The following SLC17A6 variants were observed in gnomAD, a reference collection of about 807,000 sequenced individuals.
The protein encoded by SLC17A6 is vesicular glutamate transporter 2.
SLC17A6 carries 35 observed loss-of-function variants against 67.1 expected under a neutral mutation model. That is an observed-to-expected ratio of 0.52 (90% CI 0.40 to 0.69). The LOEUF (loss-of-function observed/expected upper bound fraction) is 0.69, where lower values mean the gene tolerates loss of function less well. Among genes scored for constraint, SLC17A6 ranks in the 30% least tolerant of loss-of-function variants. The probability of loss-of-function intolerance (pLI) is 0.00; values close to 1 mark genes in which losing one functional copy is unlikely to be tolerated. For missense variants in SLC17A6, 588 were observed against 723.9 expected (o/e 0.81, Z 2.15); for synonymous variants, 285 against 252.3 (o/e 1.13, Z -1.23).
chr11:22,364,186 G>A lies in SLC17A6; in HGVS notation c.748+1361G>A, dbSNP rs552362358. Among the ~76,000 whole-genome samples, 395 of 152,194 alleles carry A rather than the reference G, an allele frequency of 2.6e-3. 2 individuals are homozygous for A. Among genetic ancestry groups the A allele is most frequent in the African/African-American group, 9.0e-3 (372 of 41,556 alleles). ...CAGTTTTCGCATTTTAAAGATTAAA[G>A]AGATAAGATCAGTATAGTGGGGTAA... On this transcript the variant is annotated intron_variant, in intron 6 of 11. Transcript: ENST00000263160.
chr11:22,365,900 A>AT (rs1281804013), intron 7 of SLC17A6, among the ~76,000 whole-genome samples: 22 of 152,126 alleles, frequency 1.4e-4, no homozygotes, highest in African/African-American at 5.3e-4. Context: ...TTTCTTAAGC[A>AT]TTTAAAAATG....
chr11:22,375,008 A>T (rs1027007901), intron 9 of SLC17A6, 121 bp downstream of exon 9: 9 of 1,012,198 alleles, frequency 8.9e-6, no homozygotes, highest in Non-Finnish European at 1.1e-5. Flanking sequence ...TGCCTTCATT[A>T]TTCACTTAAA....
intron 6 of SLC17A6, 68 bp from the exon 7 acceptor site, chr11:22,365,479 T>G: frequency 6.8e-7 from 1 of 1,479,610 alleles, no homozygotes; most frequent in Non-Finnish European, 9.4e-7. Context: ...TTGAGATGAT[T>G]GCAGTTTTAT....
At chr11:22,348,335 C>G (rs930841450) in intron 3 of SLC17A6, among the ~76,000 whole-genome samples, 13 of 152,152 alleles carry the variant, frequency 8.5e-5, no homozygotes, top group African/African-American at 1.9e-4. Context: ...GCGAGAGAAG[C>G]CTTTAGCGGG....
rs143750207 is a variant in SLC17A6 at position 22,377,709 on chromosome 11, A to C, written c.1718A>C (p.His573Pro). ...EFVQGEVQDS[H>P]SYKDRVDYS Reference sequence around the variant, plus strand: ...GTACAAGGAGAAGTACAAGACTCACATAGCTATAAGGACCGAGTTGATTAT... The same window carrying C: ...GTACAAGGAGAAGTACAAGACTCACCTAGCTATAAGGACCGAGTTGATTAT... Residue 573 changes from histidine to proline, a missense_variant, in exon 12 of 12, where the codon CAT (histidine) becomes CCT (proline). His to Pro is a moderately conservative substitution (Grantham distance 77). Around this residue, in one of 4 missense-constraint regions of SLC17A6, gnomAD observed 414 missense variants for 563.4 expected, o/e 0.73. Coordinates refer to ENST00000263160, the MANE Select transcript of SLC17A6 (RefSeq NM_020346.3). 272 of 1,602,350 alleles carry C rather than the reference A, an allele frequency of 1.7e-4. No individual in the cohort carries two copies. The African/African-American group carries it at 3.4e-3, about 20-fold the overall frequency.
chr11:22,359,930 C>T lies in SLC17A6; in HGVS notation c.573+403C>T, dbSNP rs142028414. 1.7e-3 allele frequency among the ~76,000 whole-genome samples: 259 copies of T among 152,166 alleles called. 2 individuals are homozygous for T. The highest frequency in any genetic ancestry group is 5.7e-3 in the African/African-American group (237 of 41,524). The stretch of plus-strand genomic sequence containing the variant: ...CCTTGAATCACGATATGAGTTTTCA[C>T]TGAAATATTTCATCGAATGCATTTT... On this transcript the variant is annotated intron_variant, in intron 4 of 11. Transcript: ENST00000263160.
chr11:22,376,980 G>C (rs573653849), intron 11 of SLC17A6, among the ~76,000 whole-genome samples: 6 of 152,108 alleles, frequency 3.9e-5, no homozygotes, highest in African/African-American at 1.4e-4. Context: ...TCTGAGCTTT[G>C]TTTGTAAACC....
In SLC17A6 at chr11:22,372,324, C is replaced by T. The variant is rs192633757; in HGVS notation, c.1041+2136C>T. 6.6e-5 allele frequency among the ~76,000 whole-genome samples: 10 copies of T among 150,566 alleles called. No homozygotes were observed. In the East Asian group the frequency reaches 1.9e-3, roughly 29 times the overall value. On this transcript the variant is annotated intron_variant, in intron 8 of 11. Transcript: ENST00000263160. The stretch of plus-strand genomic sequence containing the variant: ...CATTATATATTGGCATAGGCTAATA[C>T]AATATATATCAGGTAAATACTTTTT...
intron 4 of SLC17A6, among the ~76,000 whole-genome samples, chr11:22,360,248 T>C (rs540874617): frequency 6.6e-6 from 1 of 152,174 alleles, no homozygotes; most frequent in African/African-American, 2.4e-5. Flanking sequence ...ACACTGCATG[T>C]TGTCACTTAT....
chr11:22,339,008 T>C (rs1202342433), intron 1 of SLC17A6, among the ~76,000 whole-genome samples: 1 of 147,150 alleles, frequency 6.8e-6, no homozygotes, highest in African/African-American at 2.5e-5. Context: ...GACAAATGAA[T>C]ATAAAACACA....
intron 3 of SLC17A6, among the ~76,000 whole-genome samples, chr11:22,347,664 C>A (rs146799331): frequency 9.9e-4 from 151 of 152,166 alleles, no homozygotes; most frequent in African/African-American, 3.5e-3. Flanking sequence ...TTCCCATGTA[C>A]ATTATTCAAA....
chr11:22,342,136 T>C (rs1258321833), intron 2 of SLC17A6, among the ~76,000 whole-genome samples: 1 of 152,248 alleles, frequency 6.6e-6, no homozygotes, highest in African/African-American at 2.4e-5. Context: ...AATTATAGTT[T>C]TCCCAGGACT....
At chr11:22,345,776 T>C (rs375033956) in intron 3 of SLC17A6, among the ~76,000 whole-genome samples, 1 of 152,114 alleles carries the variant, frequency 6.6e-6, no homozygotes, top group African/African-American at 2.4e-5. Context: ...TTTTTAAACA[T>C]GTATAACATT....
chr11:22,375,696 C>A (rs1389863000), intron 9 of SLC17A6, among the ~76,000 whole-genome samples: 1 of 151,950 alleles, frequency 6.6e-6, no homozygotes, highest in Non-Finnish European at 1.5e-5. Context: ...GTCAGACTGG[C>A]CTCGAACTCC....
chr11:22,355,492 AC>A (rs1341191201), intron 3 of SLC17A6, among the ~76,000 whole-genome samples: 1 of 151,634 alleles, frequency 6.6e-6, no homozygotes, highest in Non-Finnish European at 1.5e-5. Flanking sequence ...TGGCTTTTAG[AC>A]CCCTCTCTCC....
chr11:22,343,400 G>A (rs775637047), intron 3 of SLC17A6, 35 bp downstream of exon 3: 6 of 1,558,450 alleles, frequency 3.8e-6, no homozygotes, highest in Admixed American at 1.9e-5. Context: ...CTCGGGGCGT[G>A]GTGTTTGTTT....
chr11:22,345,841 G>T, intron 3 of SLC17A6, among the ~76,000 whole-genome samples: 1 of 151,986 alleles, frequency 6.6e-6, no homozygotes, highest in African/African-American at 2.4e-5. Context: ...TTATAAAAAT[G>T]ATAAAAATTT....
chr11:22,340,637 G>C (rs1264640301), intron 1 of SLC17A6, among the ~76,000 whole-genome samples: 2 of 152,090 alleles, frequency 1.3e-5, no homozygotes, highest in African/African-American at 4.8e-5. Context: ...GACATTTTTC[G>C]GTGTTTGTAA....
At chr11:22,350,947 G>A (rs74421842) in intron 3 of SLC17A6, among the ~76,000 whole-genome samples, 5,864 of 151,964 alleles carry the variant, frequency 0.039, 321 homozygotes, top group East Asian at 0.22. Context: ...TTCATATATA[G>A]TGATAAAAAT....
Sources: allele counts gnomAD v4.1 joint callset (sites outside exome capture counted in the v4.1 genomes callset), GRCh38; gene constraint gnomAD v4.1.1; regional missense constraint gnomAD v4.1.1; transcripts MANE v1.5; gene names NCBI Gene and HGNC (gene_info 2026-07-23, HGNC 2026-07-21).